The following TCF20 variants were observed in gnomAD, a reference collection of about 807,000 sequenced individuals.
TCF20 encodes the protein SPRE-binding protein.
A neutral mutation model predicts 148.6 loss-of-function variants in TCF20; 3 were observed. That is an observed-to-expected ratio of 0.02 (90% CI 0.01 to 0.05). The LOEUF is 0.05. TCF20 is among the 10% of genes least tolerant of loss of function. TCF20 has a pLI of 1.00. For synonymous variants in TCF20, 1,049 were observed against 909.5 expected (o/e 1.15, Z -2.76); for missense variants, 2,350 against 2,429.3 (o/e 0.97, Z 0.69).
intron 1 of TCF20, among the ~76,000 whole-genome samples, chr22:42,340,260 G>A (rs936015114): frequency 6.6e-6 from 1 of 152,202 alleles, no homozygotes; most frequent in Non-Finnish European, 1.5e-5. Flanking sequence ...CAGAGGGCAA[G>A]GCCACATTTG....
chr22:42,178,118 G>C (rs779865412), intron 3 of TCF20, among the ~76,000 whole-genome samples: 1 of 152,186 alleles, frequency 6.6e-6, no homozygotes, highest in African/African-American at 2.4e-5. Context: ...GTAGATGAAG[G>C]TGCCTCAGGG....
At chr22:42,168,053 T>C (rs1358475176) in intron 5 of TCF20, among the ~76,000 whole-genome samples, 3 of 152,066 alleles carry the variant, frequency 2.0e-5, no homozygotes, top group Non-Finnish European at 4.4e-5. Flanking sequence ...TAAAATTAAA[T>C]CAGATGCTAG....
chr22:42,324,596 C>G (rs1409318920), intron 1 of TCF20, among the ~76,000 whole-genome samples: 1 of 151,774 alleles, frequency 6.6e-6, no homozygotes, highest in Admixed American at 6.6e-5. Flanking sequence ...TAATTTCCAC[C>G]ATCCGAGAAG....
chr22:42,214,702 C>A lies in TCF20; in HGVS notation c.604G>T (p.Ala202Ser). The A allele has an allele frequency of 6.2e-7, 1 of 1,614,138 alleles. No individual in the cohort carries two copies. ...GGCTGTAGATGGGATGAGCTGGATG[C>A]TGGTTGGCCAGTGGCCTGTGGCAGG... ...QPLPQATGQP[A>S]SSSSHLQPMQ... The change falls in exon 2 of 6, where the codon GCA becomes TCA. Residue 202 changes from alanine (A) to serine (S), a missense_variant. Ala to Ser is a moderately conservative substitution (Grantham distance 99, BLOSUM62 1). This residue lies in a region of TCF20 where 1,641 missense variants were observed against 1,662.6 expected (regional missense o/e 0.99). Coordinates refer to ENST00000677622, the MANE Select transcript of TCF20 (RefSeq NM_001378418.1).
rs1183768324 is a variant in TCF20, at chr22:42,317,302, A to G, written c.-37+26177T>C. ...CCTAGCGTGGAAATCACCACACTGAAGGTGGCAATATTTCACCTCGCCCAG... is the reference window on the plus strand; with the variant it reads ...CCTAGCGTGGAAATCACCACACTGAGGGTGGCAATATTTCACCTCGCCCAG... On this transcript the variant is annotated intron_variant, in intron 1 of 1. Transcript: ENST00000515426. This position sits in a 1 kb window ranked among gnomAD's most constrained non-coding sequence, Gnocchi z 4.2. Among the ~76,000 whole-genome samples, 1 of 152,206 alleles carries G rather than the reference A, an allele frequency of 6.6e-6. No individual in the cohort carries two copies. The highest frequency in any genetic ancestry group is 1.9e-4 in the East Asian group (1 of 5,202).
At chr22:42,294,256 A>G (rs5758701) in intron 1 of TCF20, among the ~76,000 whole-genome samples, 13,322 of 152,198 alleles carry the variant, frequency 0.088, 1,296 homozygotes, top group East Asian at 0.35. Flanking sequence ...CGTGCACTAC[A>G]CTGGCAGGCA....
chr22:42,331,409 A>G (rs965624725), intron 1 of TCF20, among the ~76,000 whole-genome samples: 3 of 152,202 alleles, frequency 2.0e-5, no homozygotes, highest in African/African-American at 7.2e-5. Flanking sequence ...AGTCACTCCC[A>G]TTTCTATAGC....
chr22:42,249,354 A>G (rs1196940249), intron 1 of TCF20, among the ~76,000 whole-genome samples: 2 of 152,152 alleles, frequency 1.3e-5, no homozygotes, highest in South Asian at 4.1e-4. Context: ...AAATTCCCTC[A>G]TATCTATACA....
intron 1 of TCF20, among the ~76,000 whole-genome samples, chr22:42,232,725 G>A (rs1438456613): frequency 9.2e-5 from 14 of 151,510 alleles, no homozygotes; most frequent in African/African-American, 3.4e-4. Context: ...CAGCAACCCG[G>A]GAGGCGGAGC....
At chr22:42,314,662 C>T (rs1478382824) in intron 1 of TCF20, among the ~76,000 whole-genome samples, 15 of 152,238 alleles carry the variant, frequency 9.9e-5, no homozygotes, top group Admixed American at 9.2e-4. Flanking sequence ...GGGTCCTGCC[C>T]TGCACCCCTC....
chr22:42,242,319 G>C (rs141852160), intron 1 of TCF20, among the ~76,000 whole-genome samples: 3 of 151,730 alleles, frequency 2.0e-5, no homozygotes, highest in African/African-American at 7.3e-5. Context: ...CAGTAAGTGA[G>C]GAGAAGTATT....
intron 1 of TCF20, among the ~76,000 whole-genome samples, chr22:42,247,466 G>A (rs905590781): frequency 4.0e-5 from 6 of 150,836 alleles, no homozygotes; most frequent in African/African-American, 1.2e-4. Flanking sequence ...AAGATAAGAT[G>A]GAGAACAGAA....
chr22:42,205,675 A>G (rs929995967), intron 2 of TCF20, among the ~76,000 whole-genome samples: 1 of 152,256 alleles, frequency 6.6e-6, no homozygotes, highest in Non-Finnish European at 1.5e-5. Context: ...CCTTGAGTGC[A>G]CTGAGAAAAG....
intron 1 of TCF20, among the ~76,000 whole-genome samples, chr22:42,262,838 CT>C (rs1926100786): frequency 6.6e-6 from 1 of 152,160 alleles, no homozygotes; most frequent in Non-Finnish European, 1.5e-5. Flanking sequence ...TATGAGAATA[CT>C]TTTGATAACC....
intron 1 of TCF20, among the ~76,000 whole-genome samples, chr22:42,264,108 G>A (rs1427771351): frequency 6.6e-6 from 1 of 152,024 alleles, no homozygotes; most frequent in Admixed American, 6.6e-5. Context: ...CCTGGCTATG[G>A]TTAACAAAGC....
At chr22:42,308,754 G>A (rs1249095423) in intron 1 of TCF20, among the ~76,000 whole-genome samples, 1 of 152,120 alleles carries the variant, frequency 6.6e-6, no homozygotes, top group African/African-American at 2.4e-5. Context: ...ACAGGGGAGG[G>A]AGATCCTCCC....
intron 1 of TCF20, among the ~76,000 whole-genome samples, chr22:42,256,647 G>GAAAAACA (rs547742627): frequency 6.6e-6 from 1 of 151,354 alleles, no homozygotes; most frequent in African/African-American, 2.4e-5. Flanking sequence ...ACATCTACTA[G>GAAAAACA]AAAAACAAAA....
At chr22:42,182,925 C>G (rs75302523) in intron 2 of TCF20, among the ~76,000 whole-genome samples, 10 of 152,124 alleles carry the variant, frequency 6.6e-5, no homozygotes, top group Non-Finnish European at 1.5e-4. Context: ...TTACTAGAGA[C>G]GGGGTTTCAA....
intron 3 of TCF20, among the ~76,000 whole-genome samples, chr22:42,176,385 G>C (rs934335074): frequency 6.6e-6 from 1 of 152,018 alleles, no homozygotes; most frequent in Admixed American, 6.5e-5. Context: ...GGAAGGGGGG[G>C]GCAGGATGAA....
Sources: allele counts gnomAD v4.1 joint callset (sites outside exome capture counted in the v4.1 genomes callset), GRCh38; gene constraint gnomAD v4.1.1; regional missense constraint gnomAD v4.1.1; non-coding constraint Gnocchi (gnomAD v3.1); transcripts MANE v1.5; gene names NCBI Gene and HGNC (gene_info 2026-07-23, HGNC 2026-07-21).